Variants in UACA observed in about 807,000 individuals in gnomAD.
The protein encoded by UACA is nuclear membrane binding protein.
UACA carries 112 observed loss-of-function variants against 160.5 expected under a neutral mutation model. The observed-to-expected ratio is 0.70, with a 90% CI of 0.60 to 0.82. The LOEUF is 0.82. Among genes scored for constraint, UACA ranks in the 40% least tolerant of loss-of-function variants. UACA has a pLI of 0.00. For missense variants in UACA, 1,574 were observed against 1,614.6 expected, an observed-to-expected ratio of 0.97 and a Z score of 0.43; for synonymous variants, 557 against 568.4, an observed-to-expected ratio of 0.98 and a Z score of 0.29.
intron 1 of UACA, among the ~76,000 whole-genome samples, chr15:70,755,676 T>TAAA (rs569011645): frequency 0.19 from 27,002 of 141,042 alleles, 3,685 homozygotes; most frequent in African/African-American, 0.41. Context: ...TTCTCAAAAA[T>TAAA]AAAAAAAAAA....
At chr15:70,684,102 T>C (rs1055236475) in intron 8 of UACA, among the ~76,000 whole-genome samples, 163 bp downstream of exon 8, 8 of 151,978 alleles carry the variant, frequency 5.3e-5, no homozygotes, top group African/African-American at 1.9e-4. Flanking sequence ...CAAGTGACCA[T>C]AATGTAAGTA....
intron 16 of UACA, among the ~76,000 whole-genome samples, chr15:70,665,818 T>C (rs1896884136): frequency 6.6e-6 from 1 of 152,202 alleles, no homozygotes; most frequent in South Asian, 2.1e-4. Flanking sequence ...GGGCAGTCTG[T>C]GTCTGTGTTT....
Position 70,667,426 on chromosome 15 carries a change from T to C in UACA, c.3258A>G (p.Lys1086=). 6.2e-7 allele frequency: 1 copy of C among 1,610,410 alleles called. No homozygotes were observed. The highest frequency in any genetic ancestry group is 8.5e-7 in the Non-Finnish European group (1 of 1,179,710). The stretch of plus-strand genomic sequence containing the variant: ...TGGCATTTTCTTCTACTAGCTTCTC[T>C]TTCACATTCTTTACTTCCGTGTATT... ...SQKYTEVKNV[K]EKLVEENAKQ... Residue 1086 remains lysine (K), a synonymous_variant, in exon 16 of 19, where the codon AAA becomes AAG. Transcript: ENST00000322954.
At chr15:70,698,654 A>G (rs1199133144) in intron 2 of UACA, among the ~76,000 whole-genome samples, 1 of 152,174 alleles carries the variant, frequency 6.6e-6, no homozygotes, top group Non-Finnish European at 1.5e-5. Flanking sequence ...CCTAATATTC[A>G]TTTCTATATT....
intron 1 of UACA, chr15:70,703,346 G>T: frequency 1.7e-6 from 2 of 1,170,470 alleles, no homozygotes; most frequent in Non-Finnish European, 2.2e-6. Flanking sequence ...AGATCATGCT[G>T]CCAGTTAAAA....
chr15:70,675,141 C>T (rs1324912862), intron 13 of UACA, among the ~76,000 whole-genome samples: 2 of 152,152 alleles, frequency 1.3e-5, no homozygotes, highest in African/African-American at 2.4e-5. Context: ...GTAAACCTCT[C>T]TGTGCCTCAA....
At chr15:70,682,994 A>C (rs138946066) in intron 8 of UACA, among the ~76,000 whole-genome samples, 199 bp from the exon 9 acceptor site, 87 of 152,296 alleles carry the variant, frequency 5.7e-4, no homozygotes, top group African/African-American at 2.0e-3. Flanking sequence ...TCAAATTAGC[A>C]AAATTTTTAT....
chr15:70,679,527 G>C (rs936625685), intron 10 of UACA, 81 bp downstream of exon 10: 10 of 897,148 alleles, frequency 1.1e-5, no homozygotes, highest in African/African-American at 1.7e-5. Context: ...CCATTCTCTT[G>C]CTTCCTCTCT....
At chr15:70,716,955 C>G (rs983724093) in intron 1 of UACA, among the ~76,000 whole-genome samples, 2 of 152,142 alleles carry the variant, frequency 1.3e-5, no homozygotes, top group Non-Finnish European at 2.9e-5. Context: ...GGCACAGTGG[C>G]TTATGCTTGT....
At chr15:70,761,768 T>C (rs188238600) in intron 1 of UACA, among the ~76,000 whole-genome samples, 7 of 152,374 alleles carry the variant, frequency 4.6e-5, no homozygotes, top group Middle Eastern at 3.4e-3. Flanking sequence ...CTCAGAGATA[T>C]GCACTTTATG....
chr15:70,658,411 C>T (rs1002502035), intron 18 of UACA, among the ~76,000 whole-genome samples: 9 of 152,178 alleles, frequency 5.9e-5, no homozygotes, highest in African/African-American at 2.2e-4. Context: ...TTTCCCTCTA[C>T]AGAGATTGTA....
At chr15:70,662,611 A>G (rs1160067456) in intron 17 of UACA, among the ~76,000 whole-genome samples, 1 of 152,224 alleles carries the variant, frequency 6.6e-6, no homozygotes, top group Non-Finnish European at 1.5e-5. Flanking sequence ...ACTTCAAACT[A>G]TACTACAAGG....
chr15:70,724,993 A>G (rs1006628182), intron 1 of UACA, among the ~76,000 whole-genome samples: 3 of 152,016 alleles, frequency 2.0e-5, no homozygotes, highest in Non-Finnish European at 4.4e-5. Flanking sequence ...ACCAGAGGCT[A>G]AGTTGGGAGG....
intron 2 of UACA, among the ~76,000 whole-genome samples, chr15:70,699,093 G>GT (rs1898236257): frequency 6.6e-6 from 1 of 152,144 alleles, no homozygotes; most frequent in East Asian, 1.9e-4. Context: ...AAAAGACAGG[G>GT]TAATTTACAG....
At chr15:70,757,288 G>A (rs1357527425) in intron 1 of UACA, among the ~76,000 whole-genome samples, 1 of 152,168 alleles carries the variant, frequency 6.6e-6, no homozygotes, top group African/African-American at 2.4e-5. Flanking sequence ...GCTAAAGGGT[G>A]ATTATTTTGG....
chr15:70,761,955 T>C (rs1372018831), intron 1 of UACA, among the ~76,000 whole-genome samples: 2 of 152,214 alleles, frequency 1.3e-5, no homozygotes, highest in Non-Finnish European at 2.9e-5. Flanking sequence ...TTGTATCTTC[T>C]ATAAGGCTAA....
Position 70,668,878 on chromosome 15 carries a change from T to G in UACA, c.1806A>C (p.Arg602=), listed in dbSNP as rs1377063029. 1 of 1,613,648 alleles carries G rather than the reference T, an allele frequency of 6.2e-7. No homozygotes were observed. Among genetic ancestry groups the G allele is most frequent in the Non-Finnish European group, 8.5e-7 (1 of 1,179,990 alleles). The stretch of plus-strand genomic sequence containing the variant: ...CTGTGACCTTTCTTCCTTTCTTCTC[T>G]CGCTCCATTTCACACATACTAAGTT... ...QKELSMCEME[R]EKKGRKVTEM... is the part of the protein sequence containing the mutation. The change falls in exon 16 of 19, where the codon CGA becomes CGC. Residue 602 remains arginine, a synonymous_variant. Transcript: ENST00000322954.
intron 1 of UACA, among the ~76,000 whole-genome samples, chr15:70,720,371 G>C (rs774538942): frequency 4.6e-5 from 7 of 152,154 alleles, no homozygotes; most frequent in Admixed American, 1.3e-4. Flanking sequence ...GCAGTTGTAT[G>C]ATCATGACTA....
intron 1 of UACA, among the ~76,000 whole-genome samples, chr15:70,713,067 G>A (rs553991794): frequency 2.8e-4 from 43 of 152,276 alleles, no homozygotes; most frequent in South Asian, 1.2e-3. Flanking sequence ...AAGGAGAGCC[G>A]GGCGCAGTGG....
Sources: gnomAD v4.1 joint callset for allele counts (sites outside exome capture counted in the v4.1 genomes callset) on GRCh38, gnomAD v4.1.1 for gene constraint, MANE v1.5 for transcripts, NCBI Gene and HGNC (gene_info 2026-07-23, HGNC 2026-07-21) for gene names.